Variants in WWC2 observed in about 807,000 individuals in gnomAD.
The protein encoded by WWC2 is protein WWC2.
Under a neutral mutation model 138.5 loss-of-function variants are expected in WWC2, and 101 were observed. The observed-to-expected ratio is 0.73, with a 90% CI of 0.62 to 0.86. The LOEUF (loss-of-function observed/expected upper bound fraction) is 0.86, where lower values mean the gene tolerates loss of function less well. WWC2 is among the 40% of genes least tolerant of loss of function. WWC2 has a pLI of 0.00. For synonymous variants in WWC2, 558 were observed against 538.4 expected (o/e 1.04, Z -0.50); for missense variants, 1,420 against 1,419.4 (o/e 1.00, Z -0.01).
intron 16 of WWC2, 127 bp downstream of exon 16, chr4:183,271,368 C>A: frequency 1.4e-6 from 1 of 710,674 alleles, no homozygotes; most frequent in Non-Finnish European, 2.0e-6. Flanking sequence ...ACTGTCCTTC[C>A]TTTTCTCCTT....
At chr4:183,306,676 G>A (rs1206050330) in intron 21 of WWC2, among the ~76,000 whole-genome samples, 19 of 150,920 alleles carry the variant, frequency 1.3e-4, no homozygotes, top group African/African-American at 3.4e-4. Context: ...ATAGGCGCAC[G>A]CCACCACACC....
chr4:183,114,807 G>GTTGT (rs781770537), intron 1 of WWC2, among the ~76,000 whole-genome samples: 6 of 151,958 alleles, frequency 3.9e-5, no homozygotes, highest in African/African-American at 1.2e-4. Flanking sequence ...TACCCCGTAG[G>GTTGT]TTGTTTGTTT....
In WWC2 at chr4:183,103,894, A is replaced by C. The variant is rs367953865; in HGVS notation, c.131+4272A>C. ...TGTGATGCGCCCACCTTGGCCTCCC[A>C]AAGTGCTGGGATTACAGGCATGAGC... On this transcript the variant is annotated intron_variant, in intron 1 of 22. Transcript: ENST00000403733. Among the ~76,000 whole-genome samples the C allele has an allele frequency of 7.9e-5, 12 of 150,970 alleles. No individual in the cohort carries two copies. In the East Asian group the frequency reaches 2.4e-3, roughly 30 times the overall value.
At position 183,239,691 on chromosome 4, in the gene WWC2, G is replaced by T. The variant is rs1434117567; in HGVS notation, c.523-492G>T. ...ACAGAGCCGTGGCAGGGGCAGGGGG[G>T]CTAGAGAAGTCCTATTTGAAAAGAT... On this transcript the variant is annotated intron_variant, in intron 4 of 22. Coordinates refer to ENST00000403733, the MANE Select transcript of WWC2 (RefSeq NM_024949.6). 2.0e-5 allele frequency among the ~76,000 whole-genome samples: 3 copies of T among 152,182 alleles called. No individual in the cohort carries two copies. In the East Asian group the frequency reaches 5.8e-4, roughly 30 times the overall value.
At chr4:183,226,894 A>AC (rs1305955027) in intron 4 of WWC2, among the ~76,000 whole-genome samples, 1 of 152,050 alleles carries the variant, frequency 6.6e-6, no homozygotes, top group Non-Finnish European at 1.5e-5. Flanking sequence ...GAGACTGTAC[A>AC]CCGGGTTCAG....
chr4:183,201,196 T>A (rs768262669), intron 2 of WWC2, among the ~76,000 whole-genome samples: 4 of 152,344 alleles, frequency 2.6e-5, no homozygotes, highest in East Asian at 1.9e-4. Context: ...GTGGTGGTGA[T>A]GTCCTTGAAG....
At chr4:183,135,081 C>G (rs1464234716) in intron 1 of WWC2, among the ~76,000 whole-genome samples, 1 of 151,988 alleles carries the variant, frequency 6.6e-6, no homozygotes, top group Non-Finnish European at 1.5e-5. Context: ...CAGGCGTGTG[C>G]CACCACATTT....
chr4:183,246,640 A>G (rs897494030), intron 6 of WWC2, among the ~76,000 whole-genome samples: 1 of 152,244 alleles, frequency 6.6e-6, no homozygotes, highest in Admixed American at 6.5e-5. Context: ...AGGCACTGTT[A>G]TTATTCTCAG....
At position 183,208,142 on chromosome 4, in the gene WWC2, G is replaced by C. The variant is rs570398995; in HGVS notation, c.431G>C (p.Ser144Thr). The C allele has an allele frequency of 6.2e-7, 1 of 1,613,644 alleles. No individual in the cohort carries two copies. Among genetic ancestry groups the C allele is most frequent in the Admixed American group, 1.7e-5 (1 of 60,008 alleles). ...AATGATGCCTATAAGGAAAAGTCAAGTTCTCACACAAGCTGTAAGTACAGT... is the reference window on the plus strand; with the variant it reads ...AATGATGCCTATAAGGAAAAGTCAACTTCTCACACAAGCTGTAAGTACAGT... Reference protein sequence around the residue: ...RLNDAYKEKSSSHTSLFSGSS... With the variant: ...RLNDAYKEKSTSHTSLFSGSS... The change falls in exon 3 of 23, where the codon AGT becomes ACT. Residue 144 changes from serine to threonine, a missense_variant. Ser to Thr is a moderately conservative substitution (Grantham distance 58). Coordinates refer to ENST00000403733, the MANE Select transcript of WWC2 (RefSeq NM_024949.6).
chr4:183,244,235 C>G (rs12503546), intron 5 of WWC2, among the ~76,000 whole-genome samples: 21,230 of 151,960 alleles, frequency 0.14, 1,610 homozygotes, highest in East Asian at 0.23. Context: ...ATAATGAATC[C>G]CAGATAGCAC....
At chr4:183,306,867 A>G (rs940725021) in intron 21 of WWC2, among the ~76,000 whole-genome samples, 1 of 124,592 alleles carries the variant, frequency 8.0e-6, no homozygotes, top group African/African-American at 2.9e-5. Flanking sequence ...TAACAGCACC[A>G]ACTATATATG....
At position 183,196,325 on chromosome 4, in the gene WWC2, C is replaced by T. The variant is rs74371118; in HGVS notation, c.241+2617C>T. Reference sequence around the variant, plus strand: ...ACTGTAGTCTTGTCTCTGTGACTTGCCACTGTGAGTTATTCCCTCCTGCTC... The same window carrying T: ...ACTGTAGTCTTGTCTCTGTGACTTGTCACTGTGAGTTATTCCCTCCTGCTC... On this transcript the variant is annotated intron_variant, in intron 2 of 22. Coordinates refer to ENST00000403733, the MANE Select transcript of WWC2 (RefSeq NM_024949.6). 5.2e-3 allele frequency among the ~76,000 whole-genome samples: 788 copies of T among 152,336 alleles called. 5 individuals carry two copies. The highest frequency in any genetic ancestry group is 0.018 in the African/African-American group (761 of 41,572).
intron 1 of WWC2, among the ~76,000 whole-genome samples, chr4:183,122,738 T>G (rs1732639727): frequency 6.6e-6 from 1 of 152,040 alleles, no homozygotes; most frequent in Admixed American, 6.6e-5. Context: ...AGGCTGGTCT[T>G]GAACTCCTGG....
chr4:183,112,195 C>T (rs1732258440), intron 1 of WWC2, among the ~76,000 whole-genome samples: 1 of 152,238 alleles, frequency 6.6e-6, no homozygotes, highest in Non-Finnish European at 1.5e-5. Flanking sequence ...ACTCTACTTT[C>T]AGTCCTTCAT....
intron 21 of WWC2, among the ~76,000 whole-genome samples, chr4:183,303,716 G>A (rs567080009): frequency 6.6e-6 from 1 of 152,236 alleles, no homozygotes; most frequent in African/African-American, 2.4e-5. Context: ...GCTTTATTCA[G>A]TATTTTACAA....
intron 1 of WWC2, among the ~76,000 whole-genome samples, chr4:183,147,079 A>G (rs1579985837): frequency 6.6e-6 from 1 of 152,360 alleles, no homozygotes; most frequent in African/African-American, 2.4e-5. Context: ...ACAAGCTCAC[A>G]GGTGATGTCA....
At chr4:183,311,694 A>C (rs1739249118) in intron 21 of WWC2, among the ~76,000 whole-genome samples, 1 of 149,590 alleles carries the variant, frequency 6.7e-6, no homozygotes, top group Non-Finnish European at 1.5e-5. Flanking sequence ...ATTCTGCCTC[A>C]GCTTCCTGAG....
In WWC2 at chr4:183,280,809, G is replaced by A; in HGVS notation, c.2596G>A (p.Ala866Thr). The A allele has an allele frequency of 1.2e-6, 2 of 1,604,370 alleles. No homozygotes were observed. Among genetic ancestry groups the A allele is most frequent in the Non-Finnish European group, 1.7e-6 (2 of 1,175,420 alleles). Residue 866 changes from alanine to threonine, a missense_variant, in exon 17 of 23, where the codon GCT becomes ACT. Ala to Thr is a moderately conservative substitution (Grantham distance 58). Coordinates refer to ENST00000403733, the MANE Select transcript of WWC2 (RefSeq NM_024949.6). Reference protein sequence around the residue: ...AVSALLARTSAELLAVEQELA... With the variant: ...AVSALLARTSTELLAVEQELA... Reference sequence around the variant, plus strand: ...GTCAGCCTTACTTGCAAGAACATCAGCTGAGTTGTTAGCTGTGGAACAAGA... The same window carrying A: ...GTCAGCCTTACTTGCAAGAACATCAACTGAGTTGTTAGCTGTGGAACAAGA...
intron 1 of WWC2, among the ~76,000 whole-genome samples, chr4:183,153,199 A>G (rs1055279083): frequency 6.6e-6 from 1 of 152,162 alleles, no homozygotes; most frequent in African/African-American, 2.4e-5. Context: ...GCCACTGCAC[A>G]TGGTCTTATA....
Sources: gnomAD v4.1 joint callset for allele counts (sites outside exome capture counted in the v4.1 genomes callset) on GRCh38, gnomAD v4.1.1 for gene constraint, MANE v1.5 for transcripts, NCBI Gene and HGNC (gene_info 2026-07-23, HGNC 2026-07-21) for gene names.